The following MRTFA variants were observed in gnomAD, a reference collection of about 807,000 sequenced individuals.
MRTFA encodes myocardin related transcription factor A.
Under a neutral mutation model 83.5 loss-of-function variants are expected in MRTFA, and 20 were observed. The observed-to-expected ratio is 0.24, with a 90% CI of 0.17 to 0.35. MRTFA has a LOEUF of 0.35. Among genes scored for constraint, MRTFA ranks in the 10% least tolerant of loss-of-function variants. The probability of loss-of-function intolerance (pLI) is 1.00; values close to 1 mark genes in which losing one functional copy is unlikely to be tolerated. For missense variants in MRTFA, 1,200 were observed against 1,224.7 expected, an observed-to-expected ratio of 0.98 and a Z score of 0.30; for synonymous variants, 659 against 541.2, an observed-to-expected ratio of 1.22 and a Z score of -3.02.
intron 13 of MRTFA, 46 bp downstream of exon 13, chr22:40,417,295 C>A: frequency 6.3e-7 from 1 of 1,591,562 alleles, no homozygotes; most frequent in Non-Finnish European, 8.5e-7. Context: ...GCCCAGCAGC[C>A]TAGGGCAGCT....
chr22:40,552,455 G>A (rs2055456561), intron 2 of MRTFA, 88 bp from the exon 3 acceptor site: 1 of 393,648 alleles, frequency 2.5e-6, no homozygotes, highest in South Asian at 1.4e-4. Context: ...ATCTTGAATT[G>A]TAGTTCCCAT....
At chr22:40,475,715 C>T in intron 3 of MRTFA, among the ~76,000 whole-genome samples, 1 of 152,260 alleles carries the variant, frequency 6.6e-6, no homozygotes, top group South Asian at 2.1e-4. Flanking sequence ...TTGCTTGTTT[C>T]TTTAAAACAA....
chr22:40,617,219 AGGGC>A (rs1556027246), intron 1 of MRTFA, among the ~76,000 whole-genome samples: 1 of 17,804 alleles, frequency 5.6e-5, no homozygotes, highest in African/African-American at 2.9e-4. Flanking sequence ...GGAGGGAGGG[AGGGC>A]GGGCAGGGAG....
rs145710305 is a variant in MRTFA, at chr22:40,519,974, C to T, written c.241+32132G>A. Among the ~76,000 whole-genome samples, 5 of 152,286 alleles carry T rather than the reference C, an allele frequency of 3.3e-5. No individual in the cohort carries two copies. In the East Asian group the frequency reaches 9.6e-4, roughly 29 times the overall value. ...TAACTTTATTGAACTTCAATTCAGA[C>T]ACAATAAACTTCACCTAGTGTACAA... is the stretch of plus-strand genomic sequence containing the variant. On this transcript the variant is annotated intron_variant, in intron 3 of 14. Transcript: ENST00000355630.
chr22:40,515,228 T>C (rs944309247), intron 3 of MRTFA, among the ~76,000 whole-genome samples: 5 of 152,010 alleles, frequency 3.3e-5, no homozygotes, highest in African/African-American at 1.2e-4. Context: ...TTCATATTCA[T>C]TTATTTCATT....
intron 4 of MRTFA, among the ~76,000 whole-genome samples, chr22:40,449,915 A>C (rs959132283): frequency 1.1e-4 from 17 of 152,216 alleles, no homozygotes; most frequent in African/African-American, 4.1e-4. Context: ...GGGGCATGGT[A>C]GTCACCCAAT....
chr22:40,579,269 T>C (rs979768877), intron 2 of MRTFA, among the ~76,000 whole-genome samples: 38 of 152,366 alleles, frequency 2.5e-4, no homozygotes, highest in African/African-American at 8.7e-4. Flanking sequence ...ATAGCCATAA[T>C]AATTGTCATA....
chr22:40,478,469 G>T (rs1454720557), intron 3 of MRTFA, among the ~76,000 whole-genome samples: 1 of 152,102 alleles, frequency 6.6e-6, no homozygotes, highest in Non-Finnish European at 1.5e-5. Flanking sequence ...TCCAAATAAA[G>T]TTTATTTTCA....
At chr22:40,453,491 T>C (rs17001920) in intron 4 of MRTFA, among the ~76,000 whole-genome samples, 13,113 of 152,152 alleles carry the variant, frequency 0.086, 818 homozygotes, top group East Asian at 0.24. Context: ...GCCAAACTTC[T>C]TTGACACACA....
At chr22:40,448,072 G>A (rs2053415334) in intron 4 of MRTFA, among the ~76,000 whole-genome samples, 1 of 152,226 alleles carries the variant, frequency 6.6e-6, no homozygotes, top group Non-Finnish European at 1.5e-5. Flanking sequence ...AACACTTTGG[G>A]AGTACGAGGT....
chr22:40,636,326 C>G (rs973228078), intron 1 of MRTFA, among the ~76,000 whole-genome samples, 152 bp downstream of exon 1: 1 of 152,118 alleles, frequency 6.6e-6, no homozygotes, highest in African/African-American at 2.4e-5. Flanking sequence ...AGGGCAGGGG[C>G]AGAAGGCCGG....
chr22:40,556,053 GA>G (rs1274448728), intron 2 of MRTFA, among the ~76,000 whole-genome samples: 1 of 151,934 alleles, frequency 6.6e-6, no homozygotes, highest in Non-Finnish European at 1.5e-5. Context: ...ATTATACAAA[GA>G]AAAAAGATTT....
rs543917014 is a variant in MRTFA, at chr22:40,636,706, G to A, written c.-312C>T. 6.6e-6 allele frequency: 1 copy of A among 152,484 alleles called. No individual in the cohort carries two copies. Among genetic ancestry groups the A allele is most frequent in the Admixed American group, 6.5e-5 (1 of 15,296 alleles). The allele number at this position is 152,484 out of a possible 1,614,324, so 9.4% of individuals were successfully genotyped here. The stretch of plus-strand genomic sequence containing the variant: ...CCGCCGCCGGCTCCTCTCAGCCACG[G>A]AAGCTGCGGGCCCGCCCACCACGCC... On this transcript the variant is annotated 5_prime_UTR_variant, in exon 1 of 15. Transcript: ENST00000355630.
chr22:40,519,415 A>C lies in MRTFA; in HGVS notation c.241+32691T>G, dbSNP rs189482325. On this transcript the variant is annotated intron_variant, in intron 3 of 14. Transcript: ENST00000355630. ...CATTTAGTCAGCTCACTTCTTGGAAAGAGATCAGGGTTGAGAGATGAAGGC... is the reference window on the plus strand; with the variant it reads ...CATTTAGTCAGCTCACTTCTTGGAACGAGATCAGGGTTGAGAGATGAAGGC... 1.1e-4 allele frequency: 146 copies of C among 1,326,656 alleles called. 1 individual carries two copies. The East Asian group carries it at 4.5e-3, about 41-fold the overall frequency. 82.2% of individuals were successfully genotyped at this position (1,326,656 alleles called of 1,614,324 possible).
chr22:40,444,996 G>A (rs2053349017), intron 4 of MRTFA, among the ~76,000 whole-genome samples: 2 of 152,170 alleles, frequency 1.3e-5, no homozygotes, highest in Non-Finnish European at 2.9e-5. Context: ...GAGCTGGGGA[G>A]GTCCAGGCTG....
intron 4 of MRTFA, among the ~76,000 whole-genome samples, chr22:40,459,852 TATATATATATAC>T (rs1238937490): frequency 7.1e-6 from 1 of 140,352 alleles, no homozygotes; most frequent in Non-Finnish European, 1.5e-5. Context: ...TATATATATA[TATATATATATAC>T]ACACATGAAT....
intron 1 of MRTFA, among the ~76,000 whole-genome samples, chr22:40,632,108 G>A (rs562404405): frequency 6.6e-6 from 1 of 152,312 alleles, no homozygotes; most frequent in East Asian, 1.9e-4. Context: ...CATGCTCTGA[G>A]GCAAGCTGGC....
intron 2 of MRTFA, among the ~76,000 whole-genome samples, chr22:40,553,044 C>A (rs2055466462): frequency 6.6e-6 from 1 of 152,152 alleles, no homozygotes. Context: ...TGATTCTTGC[C>A]ATGCTTTAGC....
In MRTFA at chr22:40,474,680, G is replaced by C. The variant is rs553423900; in HGVS notation, c.242-11394C>G. Among the ~76,000 whole-genome samples the C allele has an allele frequency of 9.2e-5, 14 of 152,338 alleles. No individual in the cohort carries two copies. In the South Asian group the frequency reaches 2.7e-3, roughly 29 times the overall value. ...TCTGTTTGTTGCTGGGGATACAGTA[G>C]TGACTGAAGGCCCCACCTTCAGTGA... On this transcript the variant is annotated intron_variant, in intron 3 of 14. Transcript: ENST00000355630.
Sources: gnomAD v4.1 joint callset for allele counts (sites outside exome capture counted in the v4.1 genomes callset) on GRCh38, gnomAD v4.1.1 for gene constraint, MANE v1.5 for transcripts, NCBI Gene and HGNC (gene_info 2026-07-23, HGNC 2026-07-21) for gene names.